Variants in UNC79 observed in about 807,000 individuals in gnomAD.
UNC79 encodes the protein protein unc-79 homolog.
Under a neutral mutation model 283.1 loss-of-function variants are expected in UNC79, and 37 were observed. The ratio of observed to expected loss-of-function variants is 0.13; its 90% CI spans 0.10 to 0.17. The LOEUF (loss-of-function observed/expected upper bound fraction) is 0.17, where lower values mean the gene tolerates loss of function less well. Among genes scored for constraint, UNC79 ranks in the 10% least tolerant of loss-of-function variants. The pLI, the probability that UNC79 is intolerant of heterozygous loss-of-function variation, is 1.00. For missense variants in UNC79, 2,272 were observed against 3,211.1 expected, an observed-to-expected ratio of 0.71 and a Z score of 7.07; for synonymous variants, 1,107 against 1,200.2, an observed-to-expected ratio of 0.92 and a Z score of 1.61.
chr14:93,503,664 C>G (rs2059400252), intron 7 of UNC79, among the ~76,000 whole-genome samples: 1 of 151,962 alleles, frequency 6.6e-6, no homozygotes, highest in African/African-American at 2.4e-5. Flanking sequence ...TGAAGCTGAA[C>G]ATTTCTTCCT....
chr14:93,356,639 C>G (rs2054091385), intron 1 of UNC79, among the ~76,000 whole-genome samples: 3 of 152,162 alleles, frequency 2.0e-5, no homozygotes, highest in African/African-American at 7.2e-5. Flanking sequence ...AGTAGATGAG[C>G]AGAAATAACT....
chr14:93,673,586 G>A, intron 41 of UNC79, 131 bp downstream of exon 44: 2 of 665,326 alleles, frequency 3.0e-6, no homozygotes, highest in Non-Finnish European at 4.8e-6. Flanking sequence ...TATCTTATAT[G>A]GACCATGATC....
At chr14:93,670,524 G>A (rs1040762851) in intron 40 of UNC79, among the ~76,000 whole-genome samples, 3 of 152,194 alleles carry the variant, frequency 2.0e-5, no homozygotes, top group Non-Finnish European at 2.9e-5. Context: ...ATAACGCAAG[G>A]CACATGGGAA....
At chr14:93,475,838 G>A (rs1049900295) in intron 3 of UNC79, among the ~76,000 whole-genome samples, 1 of 152,164 alleles carries the variant, frequency 6.6e-6, no homozygotes, top group African/African-American at 2.4e-5. Context: ...AAATTGTGAC[G>A]ATTTCAGGGG....
At chr14:93,426,732 A>G (rs2055739427), upstream of UNC79, among the ~76,000 whole-genome samples, 1 of 151,646 alleles carries the variant, frequency 6.6e-6, no homozygotes, top group African/African-American at 2.4e-5. Context: ...ATATAGTCTC[A>G]ATTTCTCTAC....
intron 25 of UNC79, among the ~76,000 whole-genome samples, chr14:93,601,857 T>C (rs1045238647): frequency 6.6e-6 from 1 of 152,218 alleles, no homozygotes; most frequent in African/African-American, 2.4e-5. Context: ...TAATTAGTGA[T>C]GTTGAGCATT....
chr14:93,346,960 T>A (rs1244466072), intron 1 of UNC79, among the ~76,000 whole-genome samples: 3 of 136,118 alleles, frequency 2.2e-5, no homozygotes, highest in Non-Finnish European at 4.7e-5. Context: ...CTGAAGAGAG[T>A]GGAGCAGAGC....
chr14:93,680,751 C>T (rs1455224422), intron 41 of UNC79, among the ~76,000 whole-genome samples: 1 of 152,126 alleles, frequency 6.6e-6, no homozygotes, highest in Non-Finnish European at 1.5e-5. Context: ...TGCCACCACA[C>T]CTGGCTAATT....
At chr14:93,699,185 G>A (rs2075359748) in intron 47 of UNC79, among the ~76,000 whole-genome samples, 1 of 152,072 alleles carries the variant, frequency 6.6e-6, no homozygotes. Flanking sequence ...CATTTAATGT[G>A]TTTTGTGATA....
chr14:93,474,509 G>C lies in UNC79; in HGVS notation c.448+116G>C. On this transcript the variant is annotated intron_variant, in intron 3 of 48. Transcript: ENST00000555664. The surrounding 1 kb of genome is among the most constrained non-coding windows in gnomAD (Gnocchi z 4.1). ...GTAATCAATCACCTGAAAGGGCTTT[G>C]TGTGGCTAGAAGCACTACACTGAAA... 8.2e-7 allele frequency: 1 copy of C among 1,223,246 alleles called. No individual in the cohort carries two copies. Among genetic ancestry groups the C allele is most frequent in the Middle Eastern group, 2.7e-4 (1 of 3,730 alleles). The allele number at this position is 1,223,246 out of a possible 1,614,324, so 75.8% of individuals were successfully genotyped here. A position where few individuals can be genotyped will look rare whatever the true frequency, so the allele number is the denominator to read the frequency against.
rs2060830238 is a variant in UNC79, at chr14:93,531,703, C to A, written c.1094-847C>A. On this transcript the variant is annotated intron_variant, in intron 10 of 48. Transcript: ENST00000555664. The surrounding 1 kb of genome is among the most constrained non-coding windows in gnomAD (Gnocchi z 4.2). ...AATTTTGTCTACAGTTTTGATATTG[C>A]AAATAATCCGATGGTGATGCTGTAA... is the stretch of plus-strand genomic sequence containing the variant. 1.3e-5 allele frequency among the ~76,000 whole-genome samples: 2 copies of A among 152,114 alleles called. No individual in the cohort carries two copies. The highest frequency in any genetic ancestry group is 6.5e-5 in the Admixed American group (1 of 15,276).
At chr14:93,360,223 G>T (rs1451032282) in intron 1 of UNC79, among the ~76,000 whole-genome samples, 1 of 152,144 alleles carries the variant, frequency 6.6e-6, no homozygotes. Context: ...CTATTATGGT[G>T]GTAAGGGCTG....
intron 14 of UNC79, among the ~76,000 whole-genome samples, chr14:93,546,068 A>C (rs558248279): frequency 1.3e-5 from 2 of 152,338 alleles, no homozygotes; most frequent in South Asian, 2.1e-4. Context: ...GCAAAAAAAC[A>C]TGAAAAGCTA....
intron 10 of UNC79, among the ~76,000 whole-genome samples, chr14:93,530,270 T>C (rs190757610): frequency 6.6e-5 from 10 of 152,026 alleles, no homozygotes; most frequent in Admixed American, 1.3e-4. Context: ...TTTTGAAAAT[T>C]TACATAAAAA....
intron 34 of UNC79, among the ~76,000 whole-genome samples, chr14:93,645,036 G>A (rs930680472): frequency 3.9e-5 from 6 of 152,296 alleles, no homozygotes; most frequent in Admixed American, 3.3e-4. Flanking sequence ...AATGTTGTCA[G>A]CTATCAGCAA....
At chr14:93,604,817 A>G in intron 26 of UNC79, 79 bp from the exon 27 acceptor site, 1 of 1,361,968 alleles carries the variant, frequency 7.3e-7, no homozygotes, top group Non-Finnish European at 9.6e-7. Flanking sequence ...ACTATCCCAT[A>G]AAGTTAGCAC....
At chr14:93,598,230 A>G (rs1050013655) in intron 24 of UNC79, among the ~76,000 whole-genome samples, 2 of 152,080 alleles carry the variant, frequency 1.3e-5, no homozygotes, top group Non-Finnish European at 2.9e-5. Context: ...GCCTCCAGCA[A>G]TCCTCCCGCT....
At chr14:93,634,771 C>T (rs1381565383) in intron 31 of UNC79, 134 bp downstream of exon 34, 3 of 789,166 alleles carry the variant, frequency 3.8e-6, no homozygotes, top group African/African-American at 3.4e-5. Flanking sequence ...TCAAAACCAC[C>T]TAAGGTAATT....
intron 1 of UNC79, 42 bp from the exon 2 acceptor site, chr14:93,467,629 T>TTTC: frequency 2.5e-6 from 1 of 403,074 alleles, no homozygotes; most frequent in Non-Finnish European, 2.9e-6. Context: ...TTCTTCTTCC[T>TTTC]TTTTTTTTTT....
Sources: allele counts gnomAD v4.1 joint callset (sites outside exome capture counted in the v4.1 genomes callset), GRCh38; gene constraint gnomAD v4.1.1; non-coding constraint Gnocchi (gnomAD v3.1); transcripts MANE v1.5; gene names NCBI Gene and HGNC (gene_info 2026-07-23, HGNC 2026-07-21).